Variants in RAB2A observed in about 807,000 individuals in gnomAD.
RAB2A encodes ras-related protein Rab-2A.
A neutral mutation model predicts 32.5 loss-of-function variants in RAB2A; 7 were observed. The observed-to-expected ratio is 0.22, with a 90% CI of 0.12 to 0.40. The LOEUF is 0.40. Among genes scored for constraint, RAB2A ranks in the 10% least tolerant of loss-of-function variants. The pLI is 1.00. For missense variants in RAB2A, 108 were observed against 260.7 expected, an observed-to-expected ratio of 0.41 and a Z score of 4.03; for synonymous variants, 79 against 85.2, an observed-to-expected ratio of 0.93 and a Z score of 0.40.
chr8:60,549,680 C>T (rs1807815128), intron 1 of RAB2A, among the ~76,000 whole-genome samples: 1 of 151,824 alleles, frequency 6.6e-6, no homozygotes, highest in Non-Finnish European at 1.5e-5. Flanking sequence ...TAGTTTTTTC[C>T]CCCCATTTCA....
Position 60,622,141 on chromosome 8 carries a change from G to A in RAB2A, c.*1372G>A, listed in dbSNP as rs1004274418. On this transcript the variant is annotated 3_prime_UTR_variant, in exon 8 of 8. Coordinates refer to ENST00000262646, the MANE Select transcript of RAB2A (RefSeq NM_002865.3). ...CTTTTTAAAAATTTTGCTAAAATGC[G>A]ACAAATCTCACCATACTGAAATTAT... The A allele has an allele frequency of 1.3e-5, 2 of 152,058 alleles. No homozygotes were observed. Among genetic ancestry groups the A allele is most frequent in the East Asian group, 1.9e-4 (1 of 5,194 alleles). 9.4% of individuals were successfully genotyped at this position (152,058 alleles called of 1,614,324 possible). A position where few individuals can be genotyped will look rare whatever the true frequency, so the allele number is the denominator to read the frequency against.
intron 3 of RAB2A, among the ~76,000 whole-genome samples, chr8:60,581,769 G>A (rs1456631941): frequency 6.6e-6 from 1 of 152,070 alleles, no homozygotes; most frequent in East Asian, 1.9e-4. Flanking sequence ...ACTTTTACGA[G>A]ACCGAGACAG....
At chr8:60,522,037 T>C (rs570393315) in intron 1 of RAB2A, among the ~76,000 whole-genome samples, 1 of 152,342 alleles carries the variant, frequency 6.6e-6, no homozygotes, top group South Asian at 2.1e-4. Context: ...TGATTGTTCA[T>C]TGAATGAATT....
chr8:60,574,760 C>T lies in RAB2A; in HGVS notation c.186+2647C>T, dbSNP rs74838249. ...TGCTTGAGTTGATTTCTTTGCACAA[C>T]AATAAACTTGCAAAAGAAATCTAAA... On this transcript the variant is annotated intron_variant, in intron 3 of 7. Transcript: ENST00000262646. Among the ~76,000 whole-genome samples, 763 of 152,140 alleles carry T rather than the reference C, an allele frequency of 5.0e-3. 8 individuals carry two copies. Among genetic ancestry groups the T allele is most frequent in the African/African-American group, 0.017 (716 of 41,504 alleles).
At chr8:60,590,074 G>A (rs549507840) in intron 5 of RAB2A, among the ~76,000 whole-genome samples, 3 of 151,772 alleles carry the variant, frequency 2.0e-5, no homozygotes, top group East Asian at 1.9e-4. Flanking sequence ...CAATTCTCCC[G>A]CCTCAGTCTC....
intron 6 of RAB2A, among the ~76,000 whole-genome samples, chr8:60,613,319 A>G (rs1804390504): frequency 6.6e-6 from 1 of 152,162 alleles, no homozygotes; most frequent in African/African-American, 2.4e-5. Context: ...TCATGCCAAC[A>G]GCTGACACAC....
At chr8:60,517,848 G>T (rs1398660504) in intron 1 of RAB2A, among the ~76,000 whole-genome samples, 1 of 151,984 alleles carries the variant, frequency 6.6e-6, no homozygotes, top group Non-Finnish European at 1.5e-5. Context: ...CAACTCTCAC[G>T]TCAGAATAAG....
At chr8:60,519,355 T>C (rs572039152) in intron 1 of RAB2A, among the ~76,000 whole-genome samples, 1 of 130,430 alleles carries the variant, frequency 7.7e-6, no homozygotes, top group East Asian at 2.0e-4. Context: ...GCTTCTGCCA[T>C]TGAGTCCCAG....
intron 6 of RAB2A, among the ~76,000 whole-genome samples, chr8:60,615,383 T>A (rs1412725196): frequency 6.6e-6 from 1 of 152,216 alleles, no homozygotes; most frequent in Non-Finnish European, 1.5e-5. Context: ...TGAAGAACAT[T>A]AGTACTGCCT....
At chr8:60,600,932 A>G (rs576618017) in intron 6 of RAB2A, among the ~76,000 whole-genome samples, 3 of 152,388 alleles carry the variant, frequency 2.0e-5, no homozygotes, top group African/African-American at 7.2e-5. Flanking sequence ...GGGAAACTAC[A>G]TAAATGTTAC....
intron 2 of RAB2A, among the ~76,000 whole-genome samples, chr8:60,571,227 T>G (rs1303233379): frequency 6.6e-6 from 1 of 152,216 alleles, no homozygotes. Context: ...TTCTTATAAT[T>G]TGCCTAAAAT....
At chr8:60,611,070 G>T (rs551245824) in intron 6 of RAB2A, among the ~76,000 whole-genome samples, 4 of 152,256 alleles carry the variant, frequency 2.6e-5, no homozygotes, top group Admixed American at 2.6e-4. Context: ...GTCACTTAAA[G>T]TCCTGTTAAT....
At chr8:60,589,181 C>T (rs1803894540) in intron 5 of RAB2A, among the ~76,000 whole-genome samples, 1 of 152,108 alleles carries the variant, frequency 6.6e-6, no homozygotes, top group African/African-American at 2.4e-5. Context: ...TTCCTTGTGG[C>T]TGAAACATGA....
intron 3 of RAB2A, among the ~76,000 whole-genome samples, chr8:60,575,653 CTTTTT>C (rs35451518): frequency 2.6e-5 from 3 of 113,224 alleles, no homozygotes; most frequent in Non-Finnish European, 3.5e-5. Context: ...GGATATTTGT[CTTTTT>C]TTTTTTTTTT....
At chr8:60,549,814 G>T (rs1337676828) in intron 1 of RAB2A, among the ~76,000 whole-genome samples, 1 of 151,504 alleles carries the variant, frequency 6.6e-6, no homozygotes, top group Non-Finnish European at 1.5e-5. Context: ...GTTTATAGGG[G>T]ATTCCTTTCT....
chr8:60,608,834 C>T (rs1262617682), intron 6 of RAB2A, among the ~76,000 whole-genome samples: 1 of 152,108 alleles, frequency 6.6e-6, no homozygotes, highest in East Asian at 1.9e-4. Context: ...TCTACAGATC[C>T]TCTATTCTAT....
chr8:60,574,225 T>C (rs73259501), intron 3 of RAB2A, among the ~76,000 whole-genome samples: 5,766 of 152,304 alleles, frequency 0.038, 328 homozygotes, highest in African/African-American at 0.13. Flanking sequence ...TCCTGTAATA[T>C]TTTGTGCATA....
chr8:60,557,194 C>G (rs1433248057), intron 1 of RAB2A, among the ~76,000 whole-genome samples: 1 of 152,108 alleles, frequency 6.6e-6, no homozygotes, highest in Admixed American at 6.5e-5. Context: ...ATTCCAGTTT[C>G]TTTTCACTGT....
intron 6 of RAB2A, among the ~76,000 whole-genome samples, chr8:60,601,778 G>T (rs1403522463): frequency 6.6e-6 from 1 of 152,180 alleles, no homozygotes; most frequent in Non-Finnish European, 1.5e-5. Flanking sequence ...TAAGTAAAAG[G>T]CATTTTTAGG....
Sources: gnomAD v4.1 joint callset for allele counts (sites outside exome capture counted in the v4.1 genomes callset) on GRCh38, gnomAD v4.1.1 for gene constraint, MANE v1.5 for transcripts, NCBI Gene and HGNC (gene_info 2026-07-23, HGNC 2026-07-21) for gene names.